METTL9: variants seen among roughly 807,000 people sequenced by gnomAD.
METTL9 encodes protein-L-histidine N-pros-methyltransferase.
METTL9 carries 10 observed loss-of-function variants against 36.0 expected under a neutral mutation model. That is an observed-to-expected ratio of 0.28 (90% CI 0.17 to 0.47). METTL9 has a LOEUF of 0.47. Ranked by LOEUF, METTL9 falls within the 20% of genes least tolerant of loss-of-function variation. The probability of loss-of-function intolerance (pLI) is 0.99; values close to 1 mark genes in which losing one functional copy is unlikely to be tolerated. For missense variants in METTL9, 246 were observed against 383.5 expected (o/e 0.64, Z 3.00); for synonymous variants, 175 against 149.7 (o/e 1.17, Z -1.23).
intron 3 of METTL9, among the ~76,000 whole-genome samples, chr16:21,624,675 C>T (rs937852825): frequency 8.6e-5 from 13 of 151,008 alleles, no homozygotes; most frequent in African/African-American, 1.2e-4. Context: ...TGCAGTGAGC[C>T]GAGATTGCTC....
chr16:21,617,931 T>G lies in METTL9; in HGVS notation c.423T>G (p.Asn141Lys). The G allele has an allele frequency of 1.2e-6, 2 of 1,613,990 alleles. No homozygotes were observed. The highest frequency in any genetic ancestry group is 1.7e-6 in the Non-Finnish European group (2 of 1,179,984). The change falls in exon 3 of 5, where the codon AAT becomes AAG. Residue 141 changes from asparagine (N) to lysine (K), a missense_variant. Around this residue, in one of 2 missense-constraint regions of METTL9, gnomAD observed 146 missense variants for 302.1 expected, o/e 0.48. Transcript: ENST00000358154. Reference protein sequence around the residue: ...PDQFQRLLKINPDWKTHRLLD... With the variant: ...PDQFQRLLKIKPDWKTHRLLD... ...AGTTTCAGAGACTGCTTAAAATTAA[T>G]CCAGACTGGAAAACCCACAGACTTC...
intron 3 of METTL9, 106 bp downstream of exon 3, chr16:21,618,180 A>G: frequency 2.3e-6 from 2 of 876,884 alleles, no homozygotes; most frequent in East Asian, 2.9e-5. Context: ...AAATCATCTC[A>G]TACATAATTA....
chr16:21,641,367 A>C, intron 4 of METTL9: 1 of 425,056 alleles, frequency 2.4e-6, no homozygotes. Flanking sequence ...TATTTTGGTA[A>C]TGACTATTAG....
At chr16:21,606,323 C>T (rs916368498) in intron 1 of METTL9, among the ~76,000 whole-genome samples, 2 of 151,990 alleles carry the variant, frequency 1.3e-5, no homozygotes, top group African/African-American at 2.4e-5. Flanking sequence ...AGCGACAGAG[C>T]GAGACTCCGT....
At chr16:21,647,297 T>C (rs563502288) in intron 4 of METTL9, 1 of 1,614,220 alleles carries the variant, frequency 6.2e-7, no homozygotes, top group Non-Finnish European at 8.5e-7. Flanking sequence ...TGTGAACTTG[T>C]CTGCCTCACT....
At chr16:21,652,347 CT>C in intron 4 of METTL9, 1 of 489,694 alleles carries the variant, frequency 2.0e-6, no homozygotes, top group Non-Finnish European at 3.6e-6. Flanking sequence ...TAATATGAAA[CT>C]TTTTCTCAGC....
chr16:21,626,351 T>G (rs991629239), intron 4 of METTL9, among the ~76,000 whole-genome samples: 1 of 152,332 alleles, frequency 6.6e-6, no homozygotes, highest in African/African-American at 2.4e-5. Flanking sequence ...TAAGGAATAA[T>G]GCCCGTTTCA....
intron 4 of METTL9, among the ~76,000 whole-genome samples, chr16:21,648,179 C>T (rs1210476737): frequency 6.6e-6 from 1 of 152,140 alleles, no homozygotes; most frequent in Admixed American, 6.5e-5. Flanking sequence ...TTTGGTTTCT[C>T]CCTGGCGTGT....
chr16:21,643,655 G>T, intron 4 of METTL9: 1 of 1,153,610 alleles, frequency 8.7e-7, no homozygotes, highest in Non-Finnish European at 1.3e-6. Flanking sequence ...AACAATGGTG[G>T]CAGATATCTC....
At chr16:21,599,467 A>AAGCGACGC, upstream of METTL9, 1 of 1,163,626 alleles carries the variant, frequency 8.6e-7, no homozygotes, top group Non-Finnish European at 1.1e-6. The surrounding 1 kb of genome is among the most constrained non-coding windows in gnomAD (Gnocchi z 4.4). Context: ...CCGGGGGAGA[A>AAGCGACGC]AGCGACGCGG....
At chr16:21,627,239 A>G in intron 4 of METTL9, 1 of 984,882 alleles carries the variant, frequency 1.0e-6, no homozygotes, top group Non-Finnish European at 1.2e-6. Flanking sequence ...GTGTAGATTC[A>G]TGAATGCTGG....
chr16:21,631,531 TGTTTCTACAAGA>T (rs1263177586), intron 4 of METTL9, among the ~76,000 whole-genome samples: 1 of 152,228 alleles, frequency 6.6e-6, no homozygotes, highest in Non-Finnish European at 1.5e-5. Flanking sequence ...TTCCTAACTC[TGTTTCTACAAGA>T]GTTTCCTTAT....
intron 4 of METTL9, chr16:21,644,269 A>C (rs753109214): frequency 6.7e-7 from 1 of 1,486,480 alleles, no homozygotes; most frequent in Middle Eastern, 1.7e-4. Flanking sequence ...GGGACATTCC[A>C]TGCAAGAGGA....
chr16:21,630,001 T>C (rs982901895), intron 4 of METTL9, among the ~76,000 whole-genome samples: 15 of 152,164 alleles, frequency 9.9e-5, no homozygotes, highest in Admixed American at 1.3e-4. Context: ...CGCTGACTGG[T>C]GCGTTTACAA....
chr16:21,633,098 G>A lies in METTL9; in HGVS notation c.751+7983G>A, dbSNP rs569547525. Among the ~76,000 whole-genome samples, 4 of 152,220 alleles carry A rather than the reference G, an allele frequency of 2.6e-5. No individual in the cohort carries two copies. In the East Asian group the frequency reaches 7.7e-4, roughly 29 times the overall value. On this transcript the variant is annotated intron_variant, in intron 4 of 4. Transcript: ENST00000358154. ...GGGGATCCATAGTCAGCAAAAGCCC[G>A]TGATTCCAAGGAACCCCCGCAACTG...
At chr16:21,599,498 T>A (rs1397243561), upstream of METTL9, 1 of 1,213,876 alleles carries the variant, frequency 8.2e-7, no homozygotes, top group Non-Finnish European at 1.0e-6. The surrounding 1 kb of genome is among the most constrained non-coding windows in gnomAD (Gnocchi z 4.4). Flanking sequence ...GTGCTCCGGA[T>A]GGAAACTGGT....
chr16:21,599,792 G>T lies in METTL9; in HGVS notation c.59G>T (p.Arg20Met). 1 of 1,549,730 alleles carries T rather than the reference G, an allele frequency of 6.5e-7. No homozygotes were observed. The highest frequency in any genetic ancestry group is 1.8e-4 in the Middle Eastern group (1 of 5,528). ...LSLASVWLAR[R>M]MWTLRSPLTR... is the part of the protein sequence containing the mutation. ...CTGGCGTCCGTGTGGCTGGCGCGGA[G>T]GATGTGGACGCTGCGGAGCCCGCTC... Residue 20 changes from arginine (R) to methionine (M), a missense_variant, in exon 1 of 5, where the codon AGG becomes ATG. Around this residue, in one of 2 missense-constraint regions of METTL9, gnomAD observed 100 missense variants for 81.4 expected, o/e 1.23. Coordinates refer to ENST00000358154, the MANE Select transcript of METTL9 (RefSeq NM_016025.5). The surrounding 1 kb of genome is among the most constrained non-coding windows in gnomAD (Gnocchi z 4.4).
At position 21,626,930 on chromosome 16, in the gene METTL9, A is replaced by G. The variant is rs971580415; in HGVS notation, c.751+1815A>G. Reference sequence around the variant, plus strand: ...CGAATTTTATTTCCTTGTGTTTCTGATGCTAAAAATGGAGAGGAAGTCAAA... The same window carrying G: ...CGAATTTTATTTCCTTGTGTTTCTGGTGCTAAAAATGGAGAGGAAGTCAAA... On this transcript the variant is annotated intron_variant, in intron 4 of 4. Coordinates refer to ENST00000358154, the MANE Select transcript of METTL9 (RefSeq NM_016025.5). The G allele has an allele frequency of 7.1e-6, 7 of 982,980 alleles. No individual in the cohort carries two copies. The African/African-American group carries it at 1.0e-4, about 15-fold the overall frequency. 60.9% of individuals were successfully genotyped at this position (982,980 alleles called of 1,614,324 possible).
At chr16:21,608,593 G>A (rs896998287) in intron 1 of METTL9, among the ~76,000 whole-genome samples, 1 of 152,088 alleles carries the variant, frequency 6.6e-6, no homozygotes. Flanking sequence ...TCAAGCAGTG[G>A]CAGTTTTGCC....
Sources: gnomAD v4.1 joint callset for allele counts (sites outside exome capture counted in the v4.1 genomes callset) on GRCh38, gnomAD v4.1.1 for gene constraint, gnomAD v4.1.1 regional missense constraint, Gnocchi (gnomAD v3.1) non-coding constraint, MANE v1.5 for transcripts, NCBI Gene and HGNC (gene_info 2026-07-23, HGNC 2026-07-21) for gene names.